The following DCPS variants were observed in gnomAD, a reference collection of about 807,000 sequenced individuals.
DCPS encodes the protein m7GpppX diphosphatase.
A neutral mutation model predicts 34.7 loss-of-function variants in DCPS; 27 were observed. The observed-to-expected ratio is 0.78, with a 90% CI of 0.57 to 1.07. The LOEUF (loss-of-function observed/expected upper bound fraction) is 1.07, where lower values mean the gene tolerates loss of function less well. Among genes scored for constraint, DCPS ranks in the 50% least tolerant of loss-of-function variants. The pLI, the probability that DCPS is intolerant of heterozygous loss-of-function variation, is 0.00. For synonymous variants in DCPS, 185 were observed against 185.7 expected (o/e 1.00, Z 0.03); for missense variants, 464 against 436.9 (o/e 1.06, Z -0.55).
In DCPS at chr11:126,347,561, T is replaced by C. The variant is rs1951947135; in HGVS notation, c.*1948T>C. On this transcript the variant is annotated 3_prime_UTR_variant, in exon 6 of 6. Coordinates refer to ENST00000263579, the MANE Select transcript of DCPS (RefSeq NM_014026.6). The surrounding 1 kb of genome is among the most constrained non-coding windows in gnomAD (Gnocchi z 4.2). ...CAACAGTCCCTAGATTCAGGCAACATGGAGTTGCAGCCAAGGAACTTTGAG... is the reference window on the plus strand; with the variant it reads ...CAACAGTCCCTAGATTCAGGCAACACGGAGTTGCAGCCAAGGAACTTTGAG... 6.6e-6 allele frequency among the ~76,000 whole-genome samples: 1 copy of C among 152,158 alleles called. No homozygotes were observed. Among genetic ancestry groups the C allele is most frequent in the Non-Finnish European group, 1.5e-5 (1 of 68,026 alleles).
rs775761885 is a variant in DCPS, at chr11:126,331,562, C to T, written c.522+12C>T. 12 of 1,613,310 alleles carry T rather than the reference C, an allele frequency of 7.4e-6. No individual in the cohort carries two copies. The highest frequency in any genetic ancestry group is 2.7e-5 in the African/African-American group (2 of 74,928). ...GCCTCAGCATCCAGGTGACTGGCTG[C>T]ATGTCTCAGACGCAGAGCACTGCTC... is the stretch of plus-strand genomic sequence containing the variant. On this transcript the variant is annotated intron_variant, in intron 3 of 5. Transcript: ENST00000263579. This position sits in a 1 kb window ranked among gnomAD's most constrained non-coding sequence, Gnocchi z 7.2.
chr11:126,310,615 C>G (rs1951612165), intron 2 of DCPS, among the ~76,000 whole-genome samples: 1 of 152,246 alleles, frequency 6.6e-6, no homozygotes, highest in Non-Finnish European at 1.5e-5. Context: ...AACCCACAAA[C>G]TGACCTATGT....
At chr11:126,304,638 T>C (rs1180383912) in intron 1 of DCPS, among the ~76,000 whole-genome samples, 1 of 152,216 alleles carries the variant, frequency 6.6e-6, no homozygotes, top group African/African-American at 2.4e-5. Flanking sequence ...CGCTCATCCC[T>C]GTCCGTGGAA....
In DCPS at chr11:126,336,087, G is replaced by C. The variant is rs545326427; in HGVS notation, c.523-2199G>C. Among the ~76,000 whole-genome samples the C allele has an allele frequency of 1.4e-5, 2 of 142,962 alleles. No individual in the cohort carries two copies. Among genetic ancestry groups the C allele is most frequent in the South Asian group, 2.3e-4 (1 of 4,440 alleles). The allele number at this position is 142,962 out of a possible 152,430, so 93.8% of individuals were successfully genotyped here. A position where few individuals can be genotyped will look rare whatever the true frequency, so the allele number is the denominator to read the frequency against. On this transcript the variant is annotated intron_variant, in intron 3 of 5. Coordinates refer to ENST00000263579, the MANE Select transcript of DCPS (RefSeq NM_014026.6). This position sits in a 1 kb window ranked among gnomAD's most constrained non-coding sequence, Gnocchi z 6.3. ...GCCGAAATCACGCCACTGCACTCTA[G>C]TCTGGGCGAAAGAGCAAGACTCCAT...
intron 5 of DCPS, among the ~76,000 whole-genome samples, chr11:126,343,866 T>C (rs1046348876): frequency 6.6e-6 from 1 of 152,248 alleles, no homozygotes; most frequent in African/African-American, 2.4e-5. Flanking sequence ...TGTTCTGGGA[T>C]ACTTTCTCTC....
chr11:126,326,471 A>C (rs75111123), intron 2 of DCPS, among the ~76,000 whole-genome samples: 20,330 of 152,224 alleles, frequency 0.13, 1,774 homozygotes, highest in South Asian at 0.23. Context: ...CATGTTGGTC[A>C]TAAGGAGTAA....
chr11:126,314,076 C>G (rs1951638676), intron 2 of DCPS, among the ~76,000 whole-genome samples: 1 of 152,192 alleles, frequency 6.6e-6, no homozygotes, highest in Non-Finnish European at 1.5e-5. Context: ...GCAGGCTTCC[C>G]CTTCTTTGGG....
intron 2 of DCPS, among the ~76,000 whole-genome samples, chr11:126,314,830 G>A (rs940398948): frequency 1.3e-5 from 2 of 152,088 alleles, no homozygotes; most frequent in Admixed American, 6.6e-5. Context: ...GGGACTTAGA[G>A]GAAAGGGTGG....
Position 126,345,882 on chromosome 11 carries a change from C to T in DCPS, c.*269C>T. 1 of 529,494 alleles carries T rather than the reference C, an allele frequency of 1.9e-6. No homozygotes were observed. The highest frequency in any genetic ancestry group is 3.3e-6 in the Non-Finnish European group (1 of 299,266). The allele number at this position is 529,494 out of a possible 1,614,324, so 32.8% of individuals were successfully genotyped here. Reference sequence around the variant, plus strand: ...TTTCAACTGACAGGTGGGAGCTGCCCTGGAAGGGTGCCGAGGGCCTTCTCC... The same window carrying T: ...TTTCAACTGACAGGTGGGAGCTGCCTTGGAAGGGTGCCGAGGGCCTTCTCC... On this transcript the variant is annotated 3_prime_UTR_variant, in exon 6 of 6. Transcript: ENST00000263579. This position sits in a 1 kb window ranked among gnomAD's most constrained non-coding sequence, Gnocchi z 7.4.
rs1244649129 is a variant in DCPS, at chr11:126,334,282, T to C, written c.522+2732T>C. On this transcript the variant is annotated intron_variant, in intron 3 of 5. Coordinates refer to ENST00000263579, the MANE Select transcript of DCPS (RefSeq NM_014026.6). The surrounding 1 kb of genome is among the most constrained non-coding windows in gnomAD (Gnocchi z 5.5). ...TTTGGAATTCATTGAGCACTTACTA[T>C]GTATAGTCCAAGAACTGCTCTAAGC... 1.3e-5 allele frequency among the ~76,000 whole-genome samples: 2 copies of C among 152,212 alleles called. No individual in the cohort carries two copies. The highest frequency in any genetic ancestry group is 1.3e-4 in the Admixed American group (2 of 15,278).
intron 2 of DCPS, among the ~76,000 whole-genome samples, chr11:126,326,018 T>C (rs1189505360): frequency 6.6e-6 from 1 of 152,136 alleles, no homozygotes; most frequent in African/African-American, 2.4e-5. Flanking sequence ...CTGGGGACGC[T>C]GAGGCAGGAG....
chr11:126,330,410 C>G (rs1951773839), intron 2 of DCPS, among the ~76,000 whole-genome samples: 1 of 152,022 alleles, frequency 6.6e-6, no homozygotes, highest in Non-Finnish European at 1.5e-5. Flanking sequence ...TTACTGTGTG[C>G]CAGACATTGT....
Position 126,304,225 on chromosome 11 carries a change from C to G in DCPS, c.145C>G (p.Leu49Val). The change falls in exon 1 of 6, where the codon CTG becomes GTG. Residue 49 changes from leucine (L) to valine (V), a missense_variant. Coordinates refer to ENST00000263579, the MANE Select transcript of DCPS (RefSeq NM_014026.6). ...CCGCTTACCGTTCTCCGGCTTCAGACTGCAGAAGGTGCTGAGGGAGTCTGC... is the reference window on the plus strand; with the variant it reads ...CCGCTTACCGTTCTCCGGCTTCAGAGTGCAGAAGGTGCTGAGGGAGTCTGC... ...PVRLPFSGFRLQKVLRESARD... is the reference protein window; with the variant it reads ...PVRLPFSGFRVQKVLRESARD... The G allele has an allele frequency of 1.2e-6, 2 of 1,614,234 alleles. No individual in the cohort carries two copies. The highest frequency in any genetic ancestry group is 1.7e-6 in the Non-Finnish European group (2 of 1,180,016).
At position 126,322,596 on chromosome 11, in the gene DCPS, C is replaced by CT. The variant is rs747786581; in HGVS notation, c.377-8794dup. Among the ~76,000 whole-genome samples the CT allele has an allele frequency of 0.086, 11,845 of 137,768 alleles. 562 individuals are homozygous for CT. The highest frequency in any genetic ancestry group is 0.12 in the South Asian group (502 of 4,304). 90.4% of individuals were successfully genotyped at this position (137,768 alleles called of 152,430 possible). A position where few individuals can be genotyped will look rare whatever the true frequency, so the allele number is the denominator to read the frequency against. ...AGATTTTCTTTCTATCCTAAAATTCCTTTTTTTTTTTTTTTGAGACGAAGT... is the reference window on the plus strand; with the variant it reads ...AGATTTTCTTTCTATCCTAAAATTCCTTTTTTTTTTTTTTTTGAGACGAAGT... On this transcript the variant is annotated intron_variant, in intron 2 of 5. Transcript: ENST00000263579. The surrounding 1 kb of genome is among the most constrained non-coding windows in gnomAD (Gnocchi z 4.2).
rs140583756 is a variant in DCPS, at chr11:126,311,392, C to A, written c.376+4648C>A. The stretch of plus-strand genomic sequence containing the variant: ...AAGTGTCTGCTATGTGCCAGCTACT[C>A]TAGTAGAAGCAAGGTCTGTGTTGGT... On this transcript the variant is annotated intron_variant, in intron 2 of 5. Transcript: ENST00000263579. Among the ~76,000 whole-genome samples, 394 of 152,344 alleles carry A rather than the reference C, an allele frequency of 2.6e-3. 2 individuals carry two copies. The highest frequency in any genetic ancestry group is 9.2e-3 in the African/African-American group (382 of 41,584).
chr11:126,345,522 A>G lies in DCPS; in HGVS notation c.923A>G (p.Asp308Gly), dbSNP rs1245778773. Residue 308 changes from aspartate (D) to glycine (G), a missense_variant, in exon 6 of 6, where the codon GAC (aspartate) becomes GGC (glycine). By Grantham distance (94) the Asp-to-Gly change is moderately conservative. Transcript: ENST00000263579. The surrounding 1 kb of genome is among the most constrained non-coding windows in gnomAD (Gnocchi z 7.4). ...LAEVIENLEC[D>G]PRHYQQRTLT... ...GAGGTGATCGAGAACTTGGAGTGTGACCCTAGGCACTACCAGCAGCGCACG... is the reference window on the plus strand; with the variant it reads ...GAGGTGATCGAGAACTTGGAGTGTGGCCCTAGGCACTACCAGCAGCGCACG... 1 of 1,613,986 alleles carries G rather than the reference A, an allele frequency of 6.2e-7. No individual in the cohort carries two copies.
chr11:126,335,888 G>T lies in DCPS; in HGVS notation c.523-2398G>T, dbSNP rs1177282022. 1.3e-5 allele frequency among the ~76,000 whole-genome samples: 2 copies of T among 152,080 alleles called. No individual in the cohort carries two copies. Among genetic ancestry groups the T allele is most frequent in the African/African-American group, 4.8e-5 (2 of 41,392 alleles). On this transcript the variant is annotated intron_variant, in intron 3 of 5. Transcript: ENST00000263579. The surrounding 1 kb of genome is among the most constrained non-coding windows in gnomAD (Gnocchi z 4.8). ...TGCAGTGAGCTGAGATCACGCCATT[G>T]CATTCCAGCCAAGTGTGAAACTCCG...
chr11:126,306,816 C>T, intron 2 of DCPS, 72 bp downstream of exon 2: 2 of 1,518,096 alleles, frequency 1.3e-6, no homozygotes, highest in Non-Finnish European at 9.0e-7. Context: ...GGTATGGTGA[C>T]CAGACTCTCT....
Position 126,349,973 on chromosome 11 carries a change from A to G in DCPS, c.*4360A>G, listed in dbSNP as rs1257602852. Among the ~76,000 whole-genome samples, 1 of 152,232 alleles carries G rather than the reference A, an allele frequency of 6.6e-6. No individual in the cohort carries two copies. Among genetic ancestry groups the G allele is most frequent in the Non-Finnish European group, 1.5e-5 (1 of 68,036 alleles). ...TTTCAAGCGTTTCAATTTCAATACA[A>G]TTTAATAAACAGGCTTTGAGCATCT... is the stretch of plus-strand genomic sequence containing the variant. On this transcript the variant is annotated 3_prime_UTR_variant, in exon 6 of 6. Coordinates refer to ENST00000263579, the MANE Select transcript of DCPS (RefSeq NM_014026.6). This position sits in a 1 kb window ranked among gnomAD's most constrained non-coding sequence, Gnocchi z 5.4.
Sources: gnomAD v4.1 joint callset for allele counts (sites outside exome capture counted in the v4.1 genomes callset) on GRCh38, gnomAD v4.1.1 for gene constraint, Gnocchi (gnomAD v3.1) non-coding constraint, MANE v1.5 for transcripts, NCBI Gene and HGNC (gene_info 2026-07-23, HGNC 2026-07-21) for gene names.